Variants in CDH12 observed in about 807,000 individuals in gnomAD.
CDH12 encodes cadherin 12.
Under a neutral mutation model 74.1 loss-of-function variants are expected in CDH12, and 41 were observed. The observed-to-expected ratio is 0.55, with a 90% CI of 0.43 to 0.72. The LOEUF is 0.72. CDH12 is among the 30% of genes least tolerant of loss of function. The probability of loss-of-function intolerance (pLI) is 0.00; values close to 1 mark genes in which losing one functional copy is unlikely to be tolerated. For synonymous variants in CDH12, 399 were observed against 355.0 expected, an observed-to-expected ratio of 1.12 and a Z score of -1.39; for missense variants, 945 against 977.2, an observed-to-expected ratio of 0.97 and a Z score of 0.44.
intron 7 of CDH12, among the ~76,000 whole-genome samples, chr5:21,852,247 A>G (rs1466791574): frequency 6.6e-6 from 1 of 151,402 alleles, no homozygotes; most frequent in Non-Finnish European, 1.5e-5. Flanking sequence ...AGGTACTGTT[A>G]ATATCAAGAC....
intron 9 of CDH12, among the ~76,000 whole-genome samples, chr5:21,806,310 C>G (rs939812441): frequency 2.0e-5 from 3 of 152,144 alleles, no homozygotes; most frequent in African/African-American, 7.2e-5. Flanking sequence ...TTAACGTGGG[C>G]AGGTCTTTTC....
At chr5:22,792,071 TATC>T (rs1747937010) in intron 1 of CDH12, among the ~76,000 whole-genome samples, 1 of 150,956 alleles carries the variant, frequency 6.6e-6, no homozygotes, top group African/African-American at 2.4e-5. Flanking sequence ...GCAGAAAGGA[TATC>T]ATGAACTAGG....
At chr5:22,717,004 G>C (rs911820203) in intron 1 of CDH12, among the ~76,000 whole-genome samples, 2 of 152,164 alleles carry the variant, frequency 1.3e-5, no homozygotes, top group Non-Finnish European at 2.9e-5. Context: ...GAGCCAAAAA[G>C]TTAAAAATAT....
At chr5:22,199,467 A>G (rs1000679925) in intron 4 of CDH12, among the ~76,000 whole-genome samples, 2 of 152,210 alleles carry the variant, frequency 1.3e-5, no homozygotes, top group African/African-American at 4.8e-5. Flanking sequence ...TGTTAAAAGA[A>G]TCAGTGTGAA....
intron 7 of CDH12, among the ~76,000 whole-genome samples, chr5:21,851,243 T>A (rs7728122): frequency 0.1 from 15,573 of 151,114 alleles, 1,494 homozygotes; most frequent in African/African-American, 0.26. Context: ...AAAATTTAAA[T>A]ACATTAACAG....
chr5:22,795,813 G>T (rs1462986880), intron 1 of CDH12, among the ~76,000 whole-genome samples: 4 of 151,800 alleles, frequency 2.6e-5, no homozygotes, highest in African/African-American at 9.7e-5. Context: ...ACCAAAATTG[G>T]TATCAAAATA....
At chr5:22,427,780 C>G (rs1485194633) in intron 2 of CDH12, among the ~76,000 whole-genome samples, 1 of 152,106 alleles carries the variant, frequency 6.6e-6, no homozygotes, top group Non-Finnish European at 1.5e-5. Flanking sequence ...AAAATGAGAA[C>G]AAGCACAAGT....
At chr5:21,933,872 G>A (rs966145677) in intron 6 of CDH12, among the ~76,000 whole-genome samples, 1 of 152,168 alleles carries the variant, frequency 6.6e-6, no homozygotes, top group Non-Finnish European at 1.5e-5. Context: ...ACGTGGCAGT[G>A]TACTCCCCTG....
Position 22,574,112 on chromosome 5 carries a change from C to T in CDH12, c.-522-68748G>A, listed in dbSNP as rs185427918. Among the ~76,000 whole-genome samples, 666 of 127,320 alleles carry T rather than the reference C, an allele frequency of 5.2e-3. 17 individuals carry two copies. Among genetic ancestry groups the T allele is most frequent in the Admixed American group, 0.052 (571 of 11,052 alleles). 83.5% of individuals were successfully genotyped at this position (127,320 alleles called of 152,430 possible). On this transcript the variant is annotated intron_variant, in intron 1 of 14. Transcript: ENST00000382254. ...TTTTTTTTTTTGAGATGGAGTCTCG[C>T]TCTGTCTCCTAGGCTGGAGTGCAGT...
At chr5:22,419,465 C>T (rs1301166940) in intron 2 of CDH12, among the ~76,000 whole-genome samples, 2 of 152,096 alleles carry the variant, frequency 1.3e-5, no homozygotes, top group African/African-American at 4.8e-5. Flanking sequence ...CCTTCCATGT[C>T]CCTGCCAAGG....
intron 2 of CDH12, among the ~76,000 whole-genome samples, chr5:22,478,995 A>G (rs1210628460): frequency 6.6e-6 from 1 of 152,158 alleles, no homozygotes; most frequent in Non-Finnish European, 1.5e-5. Context: ...TAACATGTTC[A>G]TGTTTTGGGT....
intron 3 of CDH12, among the ~76,000 whole-genome samples, chr5:22,290,218 C>A (rs575393026): frequency 3.5e-4 from 54 of 152,138 alleles, no homozygotes; most frequent in African/African-American, 1.1e-3. Flanking sequence ...CTACACATTA[C>A]CATAAAGTTA....
At chr5:21,889,782 AAAGCAATACTACTATTTCTC>A in intron 6 of CDH12, 1 of 985,090 alleles carries the variant, frequency 1.0e-6, no homozygotes, top group African/African-American at 1.7e-5. Context: ...CATGTCCATA[AAAGCAATACTACTATTTCTC>A]AATATAGATG....
rs1182321807 is a variant in CDH12, at chr5:21,975,712, A to AT, written c.232-328dup. Among the ~76,000 whole-genome samples, 1,067 of 150,896 alleles carry AT rather than the reference A, an allele frequency of 7.1e-3. 17 individuals are homozygous for AT. The highest frequency in any genetic ancestry group is 0.024 in the African/African-American group (991 of 41,176). On this transcript the variant is annotated intron_variant, in intron 5 of 14. Transcript: ENST00000382254. Reference sequence around the variant, plus strand: ...CTTCTGTTCATCCTTCTCTTAACCCATTTTTTTTTGAGGTGTTACGAAGAT... The same window carrying AT: ...CTTCTGTTCATCCTTCTCTTAACCCATTTTTTTTTTGAGGTGTTACGAAGAT...
At chr5:22,364,924 A>T (rs1173685749) in intron 3 of CDH12, among the ~76,000 whole-genome samples, 1 of 152,190 alleles carries the variant, frequency 6.6e-6, no homozygotes. Flanking sequence ...ACATAAATGT[A>T]AAGACTCATC....
intron 6 of CDH12, among the ~76,000 whole-genome samples, chr5:21,942,898 C>T (rs1029842551): frequency 1.3e-5 from 2 of 152,184 alleles, no homozygotes; most frequent in Non-Finnish European, 2.9e-5. Context: ...TATGGTTTGG[C>T]TCTGTGCTGT....
chr5:22,424,914 A>G (rs2126505232), intron 2 of CDH12, among the ~76,000 whole-genome samples: 1 of 151,962 alleles, frequency 6.6e-6, no homozygotes, highest in East Asian at 1.9e-4. Flanking sequence ...ATAAAAATGA[A>G]CTGTTTAAAA....
At chr5:22,567,272 A>G (rs1739334830) in intron 1 of CDH12, among the ~76,000 whole-genome samples, 6 of 152,184 alleles carry the variant, frequency 3.9e-5, no homozygotes, top group Admixed American at 3.9e-4. Context: ...AAAAGATGCT[A>G]AAGAGGTACC....
At chr5:21,878,471 G>C (rs1326721450) in intron 6 of CDH12, among the ~76,000 whole-genome samples, 1 of 151,158 alleles carries the variant, frequency 6.6e-6, no homozygotes, top group Non-Finnish European at 1.5e-5. Flanking sequence ...TTTCACACCT[G>C]TAATCCTAGC....
Sources: gnomAD v4.1 joint callset for allele counts (sites outside exome capture counted in the v4.1 genomes callset) on GRCh38, gnomAD v4.1.1 for gene constraint, MANE v1.5 for transcripts, NCBI Gene and HGNC (gene_info 2026-07-23, HGNC 2026-07-21) for gene names.